The following EPM2A variants were observed in gnomAD, a reference collection of about 807,000 sequenced individuals.
EPM2A encodes the protein laforin.
In EPM2A, 21 loss-of-function variants were observed where a neutral mutation model predicts 26.5. The observed-to-expected ratio is 0.79, with a 90% CI of 0.56 to 1.14. The LOEUF (loss-of-function observed/expected upper bound fraction) is 1.14. Among genes scored for constraint, EPM2A ranks in the 50% most tolerant of loss-of-function variants. EPM2A has a pLI of 0.00. For missense variants in EPM2A, 458 were observed against 440.8 expected (o/e 1.04, Z -0.35); for synonymous variants, 217 against 177.6 (o/e 1.22, Z -1.76).
chr6:145,635,112 A>G (rs754482384), intron 3 of EPM2A, 133 bp downstream of exon 3: 7 of 989,036 alleles, frequency 7.1e-6, no homozygotes, highest in African/African-American at 1.6e-5. Context: ...TGTATTATAT[A>G]TATTAAATCT....
intron 4 of EPM2A, among the ~76,000 whole-genome samples, chr6:145,495,359 T>G (rs1327775982): frequency 6.6e-6 from 1 of 152,000 alleles, no homozygotes; most frequent in Non-Finnish European, 1.5e-5. Flanking sequence ...TCCTTCATCC[T>G]TTTATTTTAA....
Position 145,583,113 on chromosome 6 carries a change from G to A in EPM2A, c.340+52132C>T, listed in dbSNP as rs188037967. 4.3e-3 allele frequency among the ~76,000 whole-genome samples: 659 copies of A among 152,066 alleles called. 5 individuals are homozygous for A. Among genetic ancestry groups the A allele is most frequent in the African/African-American group, 0.014 (568 of 41,462 alleles). ...GGATTTCAACTTTCACCTAAATCTC[G>A]ATGATCTTTGTTCCTATTCATCTTC... On this transcript the variant is annotated intron_variant, in intron 2 of 3. Transcript: ENST00000450221.
chr6:145,735,703 C>T (rs1029830072), upstream of EPM2A: 184 of 1,022,512 alleles, frequency 1.8e-4, no homozygotes, highest in Non-Finnish European at 2.1e-4. Flanking sequence ...AAGGGGTCAG[C>T]GGAGCCGCTA....
At chr6:145,524,609 T>C (rs942700868) in intron 2 of EPM2A, among the ~76,000 whole-genome samples, 1 of 152,116 alleles carries the variant, frequency 6.6e-6, no homozygotes, top group Non-Finnish European at 1.5e-5. Context: ...CCTTTGCCCA[T>C]TTTTAAATGA....
intron 2 of EPM2A, among the ~76,000 whole-genome samples, chr6:145,618,837 A>C (rs1775570649): frequency 6.6e-6 from 1 of 152,150 alleles, no homozygotes; most frequent in South Asian, 2.1e-4. Context: ...GCCATTGAGG[A>C]ATATTGAGCA....
intron 1 of EPM2A, chr6:145,705,616 T>C (rs912241669): frequency 4.0e-5 from 18 of 454,286 alleles, no homozygotes; most frequent in African/African-American, 2.4e-4. Context: ...GAGTTCATTA[T>C]AGATTGGCTA....
chr6:145,567,013 C>G (rs990337882), intron 2 of EPM2A, among the ~76,000 whole-genome samples: 12 of 152,132 alleles, frequency 7.9e-5, no homozygotes, highest in Admixed American at 3.3e-4. Flanking sequence ...TTGCCATAAA[C>G]CCGTCATTTA....
At chr6:145,671,428 T>C (rs775194491) in intron 2 of EPM2A, 6 of 987,112 alleles carry the variant, frequency 6.1e-6, no homozygotes, top group Admixed American at 6.1e-5. Context: ...ATATGAACTA[T>C]AGTCATTGTG....
At chr6:145,408,512 G>T (rs560350117) in intron 4 of EPM2A, among the ~76,000 whole-genome samples, 7 of 152,206 alleles carry the variant, frequency 4.6e-5, no homozygotes, top group Non-Finnish European at 8.8e-5. Flanking sequence ...TTTCATAAAT[G>T]GTTCTCTCCT....
intron 2 of EPM2A, among the ~76,000 whole-genome samples, chr6:145,522,608 G>T (rs1264818501): frequency 2.0e-5 from 3 of 152,076 alleles, no homozygotes; most frequent in Non-Finnish European, 4.4e-5. Context: ...TCACAATCTT[G>T]AAATTTGATT....
chr6:145,696,049 T>C (rs967551185), intron 1 of EPM2A, among the ~76,000 whole-genome samples: 3 of 152,066 alleles, frequency 2.0e-5, no homozygotes, highest in Non-Finnish European at 4.4e-5. Flanking sequence ...CTTTAATAAT[T>C]CCAGAAGACT....
At chr6:145,650,586 C>T (rs35587488) in intron 2 of EPM2A, among the ~76,000 whole-genome samples, 10,265 of 151,872 alleles carry the variant, frequency 0.068, 457 homozygotes, top group South Asian at 0.11. Flanking sequence ...TTTATAATTA[C>T]TACTATTAAT....
intron 3 of EPM2A, 26 bp downstream of exon 3, chr6:145,635,219 G>A (rs758508613): frequency 1.2e-6 from 2 of 1,613,884 alleles, no homozygotes; most frequent in East Asian, 4.5e-5. Flanking sequence ...AATACAGCAA[G>A]GAGGCAGAAC....
intron 2 of EPM2A, among the ~76,000 whole-genome samples, chr6:145,664,883 G>A (rs1320635618): frequency 1.3e-5 from 2 of 150,702 alleles, no homozygotes; most frequent in African/African-American, 4.9e-5. Context: ...TCAACTACAT[G>A]GAAACTGAAC....
chr6:145,537,305 AT>A (rs1780445060), intron 2 of EPM2A, among the ~76,000 whole-genome samples: 1 of 152,148 alleles, frequency 6.6e-6, no homozygotes, highest in Non-Finnish European at 1.5e-5. Flanking sequence ...CAATTTGTAT[AT>A]TCAATCTCTC....
Position 145,394,919 on chromosome 6 carries a change from C to T in EPM2A, c.556-10822G>A, listed in dbSNP as rs566936134. On this transcript the variant is annotated intron_variant, in intron 4 of 4. Transcript: ENST00000638717. ...TATAAGCTTCCCCAACAATCCTACC[C>T]TATTATAATACATTTATGCTCTCCC... Among the ~76,000 whole-genome samples the T allele has an allele frequency of 4.6e-5, 7 of 152,294 alleles. No homozygotes were observed. In the East Asian group the frequency reaches 1.3e-3, roughly 29 times the overall value.
rs193300202 is a variant in EPM2A at position 145,490,596 on chromosome 6, G to A, written c.555+11926C>T. On this transcript the variant is annotated intron_variant, in intron 4 of 4. Coordinates refer to the EPM2A transcript ENST00000638717. ...CTTCTTCAAGATGGTAACAATTTAG[G>A]TGCTGTTTCCATGTGCTCTCCCAAA... is the stretch of plus-strand genomic sequence containing the variant. 1.6e-5 allele frequency: 11 copies of A among 679,964 alleles called. No individual in the cohort carries two copies. The Admixed American group carries it at 1.8e-4, about 11-fold the overall frequency. 42.1% of individuals were successfully genotyped at this position (679,964 alleles called of 1,614,324 possible).
chr6:145,394,409 G>A (rs1028052232), intron 4 of EPM2A, among the ~76,000 whole-genome samples: 1 of 152,020 alleles, frequency 6.6e-6, no homozygotes, highest in Non-Finnish European at 1.5e-5. Context: ...ATATCTGTCT[G>A]ATTCACTCAG....
At chr6:145,404,689 T>C (rs369855446) in intron 4 of EPM2A, among the ~76,000 whole-genome samples, 3 of 152,136 alleles carry the variant, frequency 2.0e-5, no homozygotes, top group African/African-American at 7.2e-5. Flanking sequence ...AACAACATTG[T>C]CAATCCTGAA....
Sources: gnomAD v4.1 joint callset for allele counts (sites outside exome capture counted in the v4.1 genomes callset) on GRCh38, gnomAD v4.1.1 for gene constraint, MANE v1.5 for transcripts, NCBI Gene and HGNC (gene_info 2026-07-23, HGNC 2026-07-21) for gene names.